Variants in KDM5B observed in about 807,000 individuals in gnomAD.
KDM5B encodes the protein lysine-specific demethylase 5B.
Under a neutral mutation model 193.4 loss-of-function variants are expected in KDM5B, and 144 were observed. The ratio of observed to expected loss-of-function variants is 0.74; its 90% CI spans 0.65 to 0.86. KDM5B has a LOEUF of 0.86. Ranked by LOEUF, KDM5B falls within the 40% of genes least tolerant of loss-of-function variation. The probability of loss-of-function intolerance (pLI) is 0.00; values close to 1 mark genes in which losing one functional copy is unlikely to be tolerated. For synonymous variants in KDM5B, 668 were observed against 682.6 expected (o/e 0.98, Z 0.33); for missense variants, 1,833 against 1,886.9 (o/e 0.97, Z 0.53).
At chr1:202,766,617 G>T in intron 5 of KDM5B, 1 of 447,210 alleles carries the variant, frequency 2.2e-6, no homozygotes, top group African/African-American at 2.1e-5. Context: ...ATTAAACAAC[G>T]CCAATTTTGT....
chr1:202,778,683 C>T (rs531592022), intron 1 of KDM5B, among the ~76,000 whole-genome samples: 30 of 152,254 alleles, frequency 2.0e-4, no homozygotes, highest in African/African-American at 5.3e-4. Flanking sequence ...AGTACAATGA[C>T]GTGACCTCAG....
At chr1:202,775,230 C>T (rs1158349149) in intron 2 of KDM5B, among the ~76,000 whole-genome samples, 1 of 150,726 alleles carries the variant, frequency 6.6e-6, no homozygotes, top group Non-Finnish European at 1.5e-5. Flanking sequence ...CAGTAAGACT[C>T]TGTCTCAAAA....
At chr1:202,779,910 T>C (rs1657131534) in intron 1 of KDM5B, among the ~76,000 whole-genome samples, 1 of 151,950 alleles carries the variant, frequency 6.6e-6, no homozygotes, top group Admixed American at 6.6e-5. Context: ...ATTAGGAATG[T>C]ACGATTATTA....
intron 8 of KDM5B, among the ~76,000 whole-genome samples, chr1:202,760,211 G>C (rs1000278269): frequency 2.0e-4 from 31 of 152,090 alleles, no homozygotes; most frequent in Non-Finnish European, 3.8e-4. Flanking sequence ...CTACGTGGGG[G>C]GGGCTGAGGT....
chr1:202,784,270 T>C (rs913593944), intron 1 of KDM5B, among the ~76,000 whole-genome samples: 1 of 152,178 alleles, frequency 6.6e-6, no homozygotes, highest in Non-Finnish European at 1.5e-5. Flanking sequence ...GTATATGCTC[T>C]ACAGAGGCTA....
Position 202,774,593 on chromosome 1 carries a change from G to GATGGT in KDM5B, c.405+15_405+19dup, listed in dbSNP as rs1558506206. 2 of 1,594,152 alleles carry GATGGT rather than the reference G, an allele frequency of 1.3e-6. No individual in the cohort carries two copies. Among genetic ancestry groups the GATGGT allele is most frequent in the Non-Finnish European group, 8.6e-7 (1 of 1,167,948 alleles). ...GTCAGTAAGATTATAAAATAAGTAAGATGGTCATTAGCTCTTTACCTTATT... is the reference window on the plus strand; with the variant it reads ...GTCAGTAAGATTATAAAATAAGTAAGATGGTATGGTCATTAGCTCTTTACCTTATT... On this transcript the variant is annotated intron_variant, in intron 3 of 26. Coordinates refer to ENST00000367265, the MANE Select transcript of KDM5B (RefSeq NM_006618.5).
At position 202,740,738 on chromosome 1, in the gene KDM5B, C is replaced by T. The variant is rs1171209279; in HGVS notation, c.3020G>A (p.Gly1007Asp). The part of the protein sequence containing the change: ...IEEIPAYLPN[G>D]AALKDSVQRA... Reference sequence around the variant, plus strand: ...CTGCACTGAGTCTTTCAGAGCCGCACCATTGGGCAGATATGCAGGGATCTC... The same window carrying T: ...CTGCACTGAGTCTTTCAGAGCCGCATCATTGGGCAGATATGCAGGGATCTC... Residue 1007 changes from glycine to aspartate, a missense_variant, in exon 20 of 27, where the codon GGT (glycine) becomes GAT (aspartate). Physicochemically the swap from Gly to Asp is moderately conservative, Grantham distance 94. Transcript: ENST00000367265. 6.2e-7 allele frequency: 1 copy of T among 1,612,976 alleles called. No homozygotes were observed. The highest frequency in any genetic ancestry group is 1.7e-5 in the Admixed American group (1 of 60,032).
chr1:202,768,875 G>A (rs549996490), intron 4 of KDM5B, among the ~76,000 whole-genome samples: 28 of 149,762 alleles, frequency 1.9e-4, no homozygotes, highest in Non-Finnish European at 3.1e-4. Flanking sequence ...GCACCACCAC[G>A]CCCGGCTGAT....
At chr1:202,743,862 A>C (rs1655448996) in intron 16 of KDM5B, among the ~76,000 whole-genome samples, 1 of 152,268 alleles carries the variant, frequency 6.6e-6, no homozygotes, top group Non-Finnish European at 1.5e-5. Flanking sequence ...TGAAAGACTT[A>C]AATGTAAAAC....
chr1:202,805,790 T>C (rs1473037167), intron 1 of KDM5B, among the ~76,000 whole-genome samples: 1 of 152,240 alleles, frequency 6.6e-6, no homozygotes, highest in African/African-American at 2.4e-5. Flanking sequence ...AAGACCCCTC[T>C]TCAAGAGCTA....
chr1:202,774,807 C>A, intron 2 of KDM5B, 72 bp from the exon 3 acceptor site: 3 of 1,455,258 alleles, frequency 2.1e-6, no homozygotes, highest in Non-Finnish European at 1.9e-6. Flanking sequence ...CCATTATTTT[C>A]TTTCACAGAA....
chr1:202,735,945 G>A (rs1314717369), intron 21 of KDM5B, among the ~76,000 whole-genome samples: 2 of 152,180 alleles, frequency 1.3e-5, no homozygotes, highest in Non-Finnish European at 2.9e-5. Flanking sequence ...GGCGAAGCAC[G>A]GCCAAGTTTA....
intron 3 of KDM5B, 63 bp downstream of exon 3, chr1:202,774,550 G>T: frequency 6.7e-7 from 1 of 1,497,838 alleles, no homozygotes; most frequent in Non-Finnish European, 9.2e-7. Context: ...TTAAGGCAAA[G>T]AAGATCAAAT....
At chr1:202,737,033 T>C (rs4950741) in intron 20 of KDM5B, among the ~76,000 whole-genome samples, 102,324 of 151,984 alleles carry the variant, frequency 0.67, 37,067 homozygotes, top group Admixed American at 0.82. Flanking sequence ...TCTAAATTCA[T>C]TCATCTCATT....
intron 3 of KDM5B, 134 bp downstream of exon 3, chr1:202,774,479 T>G: frequency 1.3e-6 from 1 of 751,112 alleles, no homozygotes; most frequent in South Asian, 1.9e-5. Context: ...CCTCCTCCCT[T>G]GACCTCCCAA....
At chr1:202,740,426 T>G (rs1655280403) in intron 20 of KDM5B, among the ~76,000 whole-genome samples, 1 of 122,940 alleles carries the variant, frequency 8.1e-6, no homozygotes. Flanking sequence ...CCCACCTCCC[T>G]CCCGGACGGG....
intron 1 of KDM5B, 73 bp downstream of exon 1, chr1:202,808,029 G>A: frequency 1.1e-5 from 16 of 1,476,478 alleles, no homozygotes; most frequent in Non-Finnish European, 1.5e-5. Flanking sequence ...CGCGCCTCGG[G>A]CCTCCCCGGA....
intron 1 of KDM5B, among the ~76,000 whole-genome samples, chr1:202,798,060 G>T (rs545919783): frequency 5.8e-4 from 89 of 152,244 alleles, no homozygotes; most frequent in African/African-American, 2.1e-3. Context: ...GGGCATGATG[G>T]TATGCACCTG....
chr1:202,729,123 G>C lies in KDM5B; in HGVS notation c.4548C>G (p.Val1516=). The part of the protein sequence containing the change: ...DGSCNQWFHQ[V]CVGVSPEMAE... ...CCATCTCTGGGGAGACACCAACACA[G>C]ACCTGATGAAACCACTGATTGCAGC... The change falls in exon 27 of 27, where the codon GTC becomes GTG. Residue 1516 remains valine (V), a synonymous_variant. Transcript: ENST00000367265. 7 of 1,614,114 alleles carry C rather than the reference G, an allele frequency of 4.3e-6. No homozygotes were observed. Among genetic ancestry groups the C allele is most frequent in the Non-Finnish European group, 5.9e-6 (7 of 1,179,988 alleles).
Sources: gnomAD v4.1 joint callset for allele counts (sites outside exome capture counted in the v4.1 genomes callset) on GRCh38, gnomAD v4.1.1 for gene constraint, MANE v1.5 for transcripts, NCBI Gene and HGNC (gene_info 2026-07-23, HGNC 2026-07-21) for gene names.